Variants in TMC1 observed in about 807,000 individuals in gnomAD.
TMC1 encodes transmembrane channel like 1, also known as transmembrane channel-like protein 1.
A neutral mutation model predicts 105.8 loss-of-function variants in TMC1; 84 were observed. The observed-to-expected ratio is 0.79, with a 90% confidence interval of 0.67 to 0.95. The LOEUF is 0.95. Ranked by LOEUF, TMC1 falls within the 40% of genes least tolerant of loss-of-function variation. TMC1 has a pLI of 0.00. For missense variants in TMC1, 817 were observed against 914.1 expected, an observed-to-expected ratio of 0.89 and a Z score of 1.37; for synonymous variants, 315 against 311.5, an observed-to-expected ratio of 1.01 and a Z score of -0.12.
chr9:72,813,593 A>G lies in TMC1; in HGVS notation c.1696-2550A>G, dbSNP rs1588096582. Among the ~76,000 whole-genome samples, 3 of 152,358 alleles carry G rather than the reference A, an allele frequency of 2.0e-5. No individual in the cohort carries two copies. In the South Asian group the frequency reaches 6.2e-4, roughly 32 times the overall value. On this transcript the variant is annotated intron_variant, in intron 18 of 23. Transcript: ENST00000297784. Reference sequence around the variant, plus strand: ...TTTTGCAAGCCATGGTGTCTCTATTATAACTGCTAAATGCTGTTGTTTTAG... The same window carrying G: ...TTTTGCAAGCCATGGTGTCTCTATTGTAACTGCTAAATGCTGTTGTTTTAG...
At chr9:72,707,669 A>G (rs910335928) in intron 8 of TMC1, among the ~76,000 whole-genome samples, 9 of 151,766 alleles carry the variant, frequency 5.9e-5, no homozygotes, top group Non-Finnish European at 1.3e-4. Context: ...AGTCTTTGTC[A>G]GATGTAGAGA....
At chr9:72,744,539 C>T (rs1309273645) in intron 10 of TMC1, among the ~76,000 whole-genome samples, 1 of 152,256 alleles carries the variant, frequency 6.6e-6, no homozygotes, top group South Asian at 2.1e-4. Flanking sequence ...GCATTACGGT[C>T]CTGATACAAT....
intron 8 of TMC1, among the ~76,000 whole-genome samples, chr9:72,706,934 C>T (rs1373554045): frequency 6.6e-6 from 1 of 152,042 alleles, no homozygotes; most frequent in Non-Finnish European, 1.5e-5. Context: ...GCCACAACAC[C>T]CAGCTAATTT....
chr9:72,721,453 CT>C, intron 8 of TMC1, among the ~76,000 whole-genome samples: 1 of 152,176 alleles, frequency 6.6e-6, no homozygotes, highest in East Asian at 1.9e-4. Context: ...GCCACACTGC[CT>C]TGAGTTACTT....
At position 72,694,723 on chromosome 9, in the gene TMC1, G is replaced by C; in HGVS notation, c.236+9G>C. The C allele has an allele frequency of 6.2e-7, 1 of 1,601,128 alleles. No homozygotes were observed. Among genetic ancestry groups the C allele is most frequent in the South Asian group, 1.1e-5 (1 of 89,274 alleles). On this transcript the variant is annotated intron_variant, in intron 7 of 23. Transcript: ENST00000297784. ...AGGCTAAAGAGAGGAGCGTAAGTTA[G>C]TTCTGATATTCTTTCAAAAGTTCCA...
Position 72,828,230 on chromosome 9 carries a change from T to C in TMC1, c.2129+1236T>C, listed in dbSNP as rs150262595. Among the ~76,000 whole-genome samples, 734 of 152,302 alleles carry C rather than the reference T, an allele frequency of 4.8e-3. 3 individuals are homozygous for C. The highest frequency in any genetic ancestry group is 0.017 in the African/African-American group (708 of 41,564). On this transcript the variant is annotated intron_variant, in intron 21 of 23. Coordinates refer to ENST00000297784, the MANE Select transcript of TMC1 (RefSeq NM_138691.3). ...TAATGGGGTGCTATTAAGAATCTGA[T>C]AGTAAATCTCTGGCACAGATGCATT...
Position 72,569,042 on chromosome 9 carries a change from G to A in TMC1, c.-427-8860G>A, listed in dbSNP as rs551048884. 2.0e-5 allele frequency among the ~76,000 whole-genome samples: 3 copies of A among 152,266 alleles called. No homozygotes were observed. In the South Asian group the frequency reaches 6.2e-4, roughly 32 times the overall value. On this transcript the variant is annotated intron_variant, in intron 1 of 23. Transcript: ENST00000297784. Reference sequence around the variant, plus strand: ...AGAAGTGAACTAAACAATAAATACAGTCATCCCTTGGTATCTGTTGGGGAC... The same window carrying A: ...AGAAGTGAACTAAACAATAAATACAATCATCCCTTGGTATCTGTTGGGGAC...
intron 8 of TMC1, among the ~76,000 whole-genome samples, chr9:72,725,695 C>T (rs1232276480): frequency 1.3e-5 from 2 of 151,930 alleles, no homozygotes; most frequent in South Asian, 2.1e-4. Flanking sequence ...GTTAATCTCT[C>T]TCTCTTTTTT....
intron 1 of TMC1, among the ~76,000 whole-genome samples, chr9:72,561,206 A>G (rs573815334): frequency 1.3e-5 from 2 of 151,294 alleles, no homozygotes; most frequent in African/African-American, 4.9e-5. Flanking sequence ...CTGTAGTCCC[A>G]GCTACTCTGG....
chr9:72,823,465 G>T (rs1489204871), intron 20 of TMC1, among the ~76,000 whole-genome samples: 5 of 152,322 alleles, frequency 3.3e-5, no homozygotes, highest in Middle Eastern at 6.8e-3. Flanking sequence ...GTATCACAGT[G>T]ATGGCTAGTT....
intron 12 of TMC1, among the ~76,000 whole-genome samples, chr9:72,764,144 C>T (rs1489652127): frequency 6.6e-6 from 1 of 152,120 alleles, no homozygotes; most frequent in Non-Finnish European, 1.5e-5. Flanking sequence ...TGTAAATCTA[C>T]ATTCATTTTT....
chr9:72,661,006 G>A (rs1394133924), intron 5 of TMC1, among the ~76,000 whole-genome samples: 3 of 152,076 alleles, frequency 2.0e-5, no homozygotes, highest in African/African-American at 7.2e-5. Context: ...CAAAAAATTA[G>A]CCATGCATGG....
chr9:72,789,633 A>G (rs780259292), intron 15 of TMC1, among the ~76,000 whole-genome samples: 2 of 152,250 alleles, frequency 1.3e-5, no homozygotes, highest in Non-Finnish European at 2.9e-5. Flanking sequence ...TTATGGTCAC[A>G]GAGTTAGGAG....
chr9:72,663,298 C>T (rs1436927011), intron 5 of TMC1, among the ~76,000 whole-genome samples: 2 of 151,982 alleles, frequency 1.3e-5, no homozygotes, highest in Non-Finnish European at 2.9e-5. Flanking sequence ...GTGGGGCCAC[C>T]AGTTGTCAGA....
chr9:72,700,448 C>A, intron 7 of TMC1, 70 bp from the exon 8 acceptor site: 2 of 1,330,692 alleles, frequency 1.5e-6, no homozygotes, highest in Non-Finnish European at 2.1e-6. Context: ...TATCTGATAC[C>A]TGCCTTCCTT....
At chr9:72,591,010 G>C (rs1824631515) in intron 2 of TMC1, among the ~76,000 whole-genome samples, 1 of 152,190 alleles carries the variant, frequency 6.6e-6, no homozygotes, top group Non-Finnish European at 1.5e-5. Context: ...GGAAGACAGA[G>C]TGGTTTAGGC....
chr9:72,557,691 G>C lies in TMC1; in HGVS notation c.-427-20211G>C, dbSNP rs1012723634. ...TGTGTCAGGGACAGCAGTGGGAGTA[G>C]GGCCCTCTGAGTCAGCCTCTTTGAC... On this transcript the variant is annotated intron_variant, in intron 1 of 23. Coordinates refer to ENST00000297784, the MANE Select transcript of TMC1 (RefSeq NM_138691.3). Among the ~76,000 whole-genome samples the C allele has an allele frequency of 2.0e-5, 3 of 152,182 alleles. No individual in the cohort carries two copies. The East Asian group carries it at 5.8e-4, about 29-fold the overall frequency.
chr9:72,830,608 T>C (rs529586480), intron 22 of TMC1, 23 bp from the exon 23 acceptor site: 1 of 1,612,826 alleles, frequency 6.2e-7, no homozygotes, highest in East Asian at 2.2e-5. Context: ...TCTACTTTTT[T>C]CCCCTTATTT....
At chr9:72,538,391 ATACTT>A (rs1823619414) in intron 1 of TMC1, among the ~76,000 whole-genome samples, 1 of 107,754 alleles carries the variant, frequency 9.3e-6, no homozygotes, top group South Asian at 3.0e-4. Context: ...TTGGGATAAA[ATACTT>A]GTATTGTATT....
Sources: allele counts gnomAD v4.1 joint callset (sites outside exome capture counted in the v4.1 genomes callset), GRCh38; gene constraint gnomAD v4.1.1; transcripts MANE v1.5; gene names NCBI Gene and HGNC (gene_info 2026-07-23, HGNC 2026-07-21).